The following LY75 variants were observed in gnomAD, a reference collection of about 807,000 sequenced individuals.
LY75 encodes the protein lymphocyte antigen 75, also known as C-type lectin domain family 13 member B.
A neutral mutation model predicts 231.7 loss-of-function variants in LY75; 185 were observed. The observed-to-expected ratio is 0.80, with a 90% CI of 0.71 to 0.90. The LOEUF (loss-of-function observed/expected upper bound fraction) is 0.90, where lower values mean the gene tolerates loss of function less well. LY75 is among the 40% of genes least tolerant of loss of function. The pLI is 0.00. For synonymous variants in LY75, 668 were observed against 689.0 expected (o/e 0.97, Z 0.48); for missense variants, 1,947 against 2,050.2 (o/e 0.95, Z 0.97).
rs1163064225 is a variant in LY75, at chr2:159,874,622, ATATAGTAAATATATG to A, written c.1974+807_1974+821del. ...AAATATATATATTTTGTAAATATAT[ATATAGTAAATATATG>A]TAAATATATATATTTTGTAAATATA... On this transcript the variant is annotated intron_variant, in intron 12 of 34. Coordinates refer to ENST00000263636, the MANE Select transcript of LY75 (RefSeq NM_002349.4). Among the ~76,000 whole-genome samples the A allele has an allele frequency of 3.4e-3, 226 of 67,238 alleles. 1 individual carries two copies. The highest frequency in any genetic ancestry group is 0.022 in the Middle Eastern group (1 of 46). The allele number at this position is 67,238 out of a possible 152,430, so 44.1% of individuals were successfully genotyped here. A position where few individuals can be genotyped will look rare whatever the true frequency, so the allele number is the denominator to read the frequency against.
chr2:159,808,540 A>G lies in LY75; in HGVS notation c.4731T>C (p.Asp1577=), dbSNP rs777096199. The G allele has an allele frequency of 2.5e-6, 4 of 1,613,656 alleles. 1 individual carries two copies. The Admixed American group carries it at 6.7e-5, about 27-fold the overall frequency. ...TGCTCACAAATTTATTCTCATCTTC[A>G]TCTTTTATGGAAACGATAGTTGCAG... ...DHSATIVSIK[D]EDENKFVSRL... is the part of the protein sequence containing the mutation. The change falls in exon 33 of 35, where the codon GAT becomes GAC. Residue 1577 remains aspartate, a synonymous_variant. Transcript: ENST00000263636.
chr2:159,890,639 G>A (rs1482326553), intron 3 of LY75, among the ~76,000 whole-genome samples: 2 of 151,812 alleles, frequency 1.3e-5, no homozygotes, highest in Admixed American at 6.6e-5. Context: ...CTGTGTTTTC[G>A]CCCATGTCCC....
intron 13 of LY75, among the ~76,000 whole-genome samples, chr2:159,866,047 G>T (rs1574570791): frequency 6.6e-6 from 1 of 152,156 alleles, no homozygotes; most frequent in East Asian, 1.9e-4. Context: ...GTTGGTACAT[G>T]GTATGTATGA....
chr2:159,863,814 T>A (rs1409763637), intron 14 of LY75, among the ~76,000 whole-genome samples: 1 of 152,328 alleles, frequency 6.6e-6, no homozygotes, highest in Admixed American at 6.5e-5. Flanking sequence ...GTGTGAATAC[T>A]GGCATTCAGA....
At chr2:159,824,958 G>T (rs1683413680) in intron 28 of LY75, among the ~76,000 whole-genome samples, 1 of 152,194 alleles carries the variant, frequency 6.6e-6, no homozygotes, top group African/African-American at 2.4e-5. Flanking sequence ...ATTTAAAGCA[G>T]TGTGTAGGGG....
intron 14 of LY75, among the ~76,000 whole-genome samples, chr2:159,862,291 C>A (rs1308767839): frequency 3.5e-3 from 426 of 123,238 alleles, no homozygotes; most frequent in Admixed American, 4.7e-3. Context: ...GACTACGTCT[C>A]AAAAAAAAAA....
rs375167764 is a variant in LY75 at position 159,840,746 on chromosome 2, C to A, written c.3490G>T (p.Gly1164Ter). The A allele has an allele frequency of 1.9e-6, 3 of 1,613,954 alleles. No homozygotes were observed. Among genetic ancestry groups the A allele is most frequent in the Non-Finnish European group, 2.5e-6 (3 of 1,179,932 alleles). The change falls in exon 25 of 35, where the codon GGA (glycine) becomes TGA (stop). Residue 1164 changes from glycine to a stop codon, truncating the protein, a stop_gained. Coordinates refer to ENST00000263636, the MANE Select transcript of LY75 (RefSeq NM_002349.4). LOFTEE classifies it high-confidence loss of function. ...ACACTTACATCTTGACTGAAGAGTCCGATCCATAAGGAAGAGTTGTGAAGG... is the reference window on the plus strand; with the variant it reads ...ACACTTACATCTTGACTGAAGAGTCAGATCCATAAGGAAGAGTTGTGAAGG... ...ALLHNSSLWI[G>*]LFSQDDELNF...
At chr2:159,895,610 G>C (rs148566808) in intron 2 of LY75, among the ~76,000 whole-genome samples, 27 of 152,238 alleles carry the variant, frequency 1.8e-4, no homozygotes, top group African/African-American at 6.3e-4. Flanking sequence ...CATTTTTGCA[G>C]AGTAGTCAAG....
In LY75 at chr2:159,882,107, T is replaced by C. The variant is rs555819934; in HGVS notation, c.1246+17A>G. ...AATGGCTTAAGCCTCTCAAATAGGG[T>C]ATTTTTAAAAACTTACCCTCATTAT... On this transcript the variant is annotated intron_variant, in intron 7 of 34. Coordinates refer to ENST00000263636, the MANE Select transcript of LY75 (RefSeq NM_002349.4). 4.0e-5 allele frequency: 64 copies of C among 1,604,176 alleles called. 1 individual carries two copies. The East Asian group carries it at 1.3e-3, about 34-fold the overall frequency.
intron 6 of LY75, among the ~76,000 whole-genome samples, chr2:159,882,886 C>T (rs989878087): frequency 6.6e-6 from 1 of 152,094 alleles, no homozygotes; most frequent in Non-Finnish European, 1.5e-5. Flanking sequence ...CTTCTTTCCT[C>T]CCCTCTGCTA....
At chr2:159,851,392 T>C (rs937490958) in intron 21 of LY75, among the ~76,000 whole-genome samples, 4 of 152,060 alleles carry the variant, frequency 2.6e-5, no homozygotes, top group African/African-American at 9.7e-5. Flanking sequence ...GAGTGGCCAA[T>C]GAGCCAAGCT....
chr2:159,828,629 G>C (rs552196605), intron 28 of LY75, among the ~76,000 whole-genome samples: 1 of 152,246 alleles, frequency 6.6e-6, no homozygotes, highest in Admixed American at 6.5e-5. Context: ...CTATTCCCAG[G>C]GGTTTACCCA....
chr2:159,889,298 AG>A (rs1462765143), intron 4 of LY75, among the ~76,000 whole-genome samples: 1 of 152,136 alleles, frequency 6.6e-6, no homozygotes, highest in Non-Finnish European at 1.5e-5. Context: ...ATGCCATCAT[AG>A]CTCTCTGCAG....
Position 159,836,262 on chromosome 2 carries a change from G to A in LY75, c.3508-617C>T, listed in dbSNP as rs181965570. On this transcript the variant is annotated intron_variant, in intron 25 of 34. Transcript: ENST00000263636. ...TAATGGGATAACATGTGTAAAGCCC[G>A]CAACCCAGGGGCTAGCTGGCACACA... 1.9e-3 allele frequency among the ~76,000 whole-genome samples: 291 copies of A among 152,200 alleles called. 2 individuals are homozygous for A. The highest frequency in any genetic ancestry group is 0.011 in the South Asian group (51 of 4,812).
intron 1 of LY75, chr2:159,903,590 T>C (rs1259064314): frequency 1.3e-5 from 2 of 152,162 alleles, no homozygotes; most frequent in Non-Finnish European, 2.9e-5. Flanking sequence ...CTAAACCAGA[T>C]GGTAACTTAG....
chr2:159,814,481 C>G (rs955098914), intron 31 of LY75, among the ~76,000 whole-genome samples: 20 of 151,792 alleles, frequency 1.3e-4, no homozygotes, highest in Admixed American at 2.6e-4. Context: ...TTGTGAGACC[C>G]TAACTCTACA....
rs750943900 is a variant in LY75 at position 159,898,806 on chromosome 2, G to A, written c.348C>T (p.Tyr116=). Residue 116 remains tyrosine, a synonymous_variant, in exon 2 of 35, where the codon TAC becomes TAT. Transcript: ENST00000263636. ...LWWKCEHHSL[Y]GAARYRLALK... is the part of the protein sequence containing the mutation. ...GAGCCAGCCGGTACCGGGCAGCTCC[G>A]TACAGAGAGTGGTGCTCACATTTCC... is the stretch of plus-strand genomic sequence containing the variant. The A allele has an allele frequency of 2.0e-5, 33 of 1,614,068 alleles. No homozygotes were observed. The highest frequency in any genetic ancestry group is 1.6e-4 in the South Asian group (15 of 91,088).
chr2:159,866,362 T>A (rs1453193287), intron 13 of LY75, among the ~76,000 whole-genome samples: 1 of 152,210 alleles, frequency 6.6e-6, no homozygotes, highest in East Asian at 1.9e-4. Flanking sequence ...CAACAATAAG[T>A]ACTTTTTCAT....
At chr2:159,872,991 A>C (rs1250039767) in intron 12 of LY75, among the ~76,000 whole-genome samples, 1 of 152,158 alleles carries the variant, frequency 6.6e-6, no homozygotes, top group African/African-American at 2.4e-5. Context: ...CGAATATAAG[A>C]CACAGTGACC....
Sources: gnomAD v4.1 joint callset for allele counts (sites outside exome capture counted in the v4.1 genomes callset) on GRCh38, gnomAD v4.1.1 for gene constraint, MANE v1.5 for transcripts, NCBI Gene and HGNC (gene_info 2026-07-23, HGNC 2026-07-21) for gene names.